Variants in AGMO observed in about 807,000 individuals in gnomAD.
AGMO encodes alkylglycerol monooxygenase.
A neutral mutation model predicts 60.2 loss-of-function variants in AGMO; 75 were observed. The observed-to-expected ratio is 1.25, with a 90% CI of 1.03 to 1.51. The LOEUF is 1.51. AGMO is among the 40% of genes most tolerant of loss of function. The pLI, the probability that AGMO is intolerant of heterozygous loss-of-function variation, is 0.00. For missense variants in AGMO, 763 were observed against 525.5 expected (o/e 1.45, Z -4.42); for synonymous variants, 261 against 177.1 (o/e 1.47, Z -3.76).
intron 2 of AGMO, among the ~76,000 whole-genome samples, chr7:15,558,428 T>C (rs1019365114): frequency 1.3e-5 from 2 of 152,038 alleles, no homozygotes; most frequent in African/African-American, 2.4e-5. Context: ...TTTCTGAGAA[T>C]GAGCTAAATT....
chr7:15,133,880 C>G, the AGMO span, among the ~76,000 whole-genome samples: 1 of 152,162 alleles, frequency 6.6e-6, no homozygotes, highest in African/African-American at 2.4e-5. Context: ...GGATCTGAAA[C>G]TGAACACCTC....
chr7:15,377,181 A>T (rs904526175), intron 10 of AGMO, among the ~76,000 whole-genome samples: 2 of 152,074 alleles, frequency 1.3e-5, no homozygotes, highest in African/African-American at 4.8e-5. Flanking sequence ...GGCACTATAG[A>T]ATTTTGCAAA....
intron 3 of AGMO, among the ~76,000 whole-genome samples, chr7:15,528,944 G>A (rs887036141): frequency 1.3e-5 from 2 of 151,964 alleles, no homozygotes; most frequent in East Asian, 1.9e-4. Flanking sequence ...CACCGCGCCC[G>A]GCCAACCATT....
intron 3 of AGMO, among the ~76,000 whole-genome samples, chr7:15,470,761 A>G (rs978333044): frequency 9.9e-5 from 15 of 152,116 alleles, no homozygotes; most frequent in African/African-American, 3.4e-4. Flanking sequence ...TGAAAGAACT[A>G]TAGTTTCAGG....
In AGMO at chr7:15,209,120, A is replaced by G. The variant is rs139786099; in HGVS notation, c.1264-7761T>C. On this transcript the variant is annotated intron_variant, in intron 12 of 12. Coordinates refer to ENST00000342526, the MANE Select transcript of AGMO (RefSeq NM_001004320.2). ...GGCAGTGTCGCCCATTTCCTCCCCA[A>G]TCCTGTTATCACAGCCCACCGATTT... Among the ~76,000 whole-genome samples the G allele has an allele frequency of 2.4e-3, 368 of 152,140 alleles. 1 individual carries two copies. Among genetic ancestry groups the G allele is most frequent in the Non-Finnish European group, 4.1e-3 (280 of 67,980 alleles).
intron 12 of AGMO, among the ~76,000 whole-genome samples, chr7:15,346,637 A>T (rs1435047137): frequency 6.6e-6 from 1 of 151,652 alleles, no homozygotes; most frequent in Admixed American, 6.6e-5. Context: ...AAATACCATA[A>T]AGAAGTTATA....
intron 12 of AGMO, among the ~76,000 whole-genome samples, chr7:15,252,995 C>T (rs148463639): frequency 6.6e-6 from 1 of 152,186 alleles, no homozygotes; most frequent in Non-Finnish European, 1.5e-5. Flanking sequence ...CAGTAGAAGT[C>T]ATTGATACAC....
At chr7:15,258,548 C>CA (rs894896527) in intron 12 of AGMO, among the ~76,000 whole-genome samples, 32 of 147,700 alleles carry the variant, frequency 2.2e-4, no homozygotes, top group South Asian at 8.6e-4. Context: ...GACTCTTTCT[C>CA]AAAAAAAAAT....
chr7:15,195,090 A>T, the AGMO span, among the ~76,000 whole-genome samples: 96,552 of 151,974 alleles, frequency 0.64, 31,994 homozygotes, highest in African/African-American at 0.84. Flanking sequence ...CCCTTCAGTG[A>T]GCACACATAC....
rs373003791 is a variant in AGMO at position 15,257,254 on chromosome 7, T to C, written c.1264-55895A>G. ...TAAGTGGCTAAGAAAGATAACTATA[T>C]ACAACATAGGAAGACTATCTCAGGT... On this transcript the variant is annotated intron_variant, in intron 12 of 12. Coordinates refer to ENST00000342526, the MANE Select transcript of AGMO (RefSeq NM_001004320.2). Among the ~76,000 whole-genome samples, 114 of 152,258 alleles carry C rather than the reference T, an allele frequency of 7.5e-4. 1 individual carries two copies. In the South Asian group the frequency reaches 0.01, roughly 14 times the overall value.
chr7:15,395,426 CATTTT>C (rs1322705608), intron 5 of AGMO, among the ~76,000 whole-genome samples: 10 of 151,888 alleles, frequency 6.6e-5, no homozygotes, highest in African/African-American at 2.4e-4. Flanking sequence ...ACATAAAAGA[CATTTT>C]ATAGGCAAAA....
chr7:15,135,988 T>TTTC, the AGMO span, among the ~76,000 whole-genome samples: 1 of 146,972 alleles, frequency 6.8e-6, no homozygotes, highest in Non-Finnish European at 1.5e-5. Context: ...TCTTTTTTTT[T>TTTC]TTTTTTTGGT....
At chr7:15,174,596 T>C in the AGMO span, among the ~76,000 whole-genome samples, 2 of 152,006 alleles carry the variant, frequency 1.3e-5, no homozygotes, top group Admixed American at 6.6e-5. Flanking sequence ...CAGAATTGTG[T>C]GCTCTATACT....
chr7:15,337,048 T>A (rs1781687431), intron 12 of AGMO, among the ~76,000 whole-genome samples: 2 of 152,204 alleles, frequency 1.3e-5, no homozygotes, highest in African/African-American at 4.8e-5. Flanking sequence ...TCATATGCCA[T>A]CAAATTTTCT....
At chr7:15,200,029 T>G (rs919757884), downstream of AGMO, among the ~76,000 whole-genome samples, 1 of 152,176 alleles carries the variant, frequency 6.6e-6, no homozygotes, top group African/African-American at 2.4e-5. Flanking sequence ...TGAGATTATC[T>G]AAGTCAGGCT....
At chr7:15,535,244 A>T (rs866188920) in intron 3 of AGMO, among the ~76,000 whole-genome samples, 1 of 151,774 alleles carries the variant, frequency 6.6e-6, no homozygotes, top group Non-Finnish European at 1.5e-5. Context: ...TCTTTTGCTC[A>T]CCTGTGCTTT....
intron 12 of AGMO, among the ~76,000 whole-genome samples, chr7:15,238,520 T>C (rs972657226): frequency 6.6e-6 from 1 of 151,844 alleles, no homozygotes; most frequent in Non-Finnish European, 1.5e-5. Context: ...AAATATCACA[T>C]GTGCTCCCAA....
intron 3 of AGMO, among the ~76,000 whole-genome samples, chr7:15,532,672 CAA>C (rs985076125): frequency 6.0e-5 from 9 of 151,136 alleles, no homozygotes; most frequent in African/African-American, 2.2e-4. Context: ...TGAAAAATAG[CAA>C]GAGAGCATCT....
intron 12 of AGMO, among the ~76,000 whole-genome samples, chr7:15,360,687 C>A (rs1782717973): frequency 6.6e-6 from 1 of 151,720 alleles, no homozygotes; most frequent in South Asian, 2.1e-4. Context: ...GAGAGACAGG[C>A]ACACTTAGTG....
Sources: allele counts gnomAD v4.1 joint callset (sites outside exome capture counted in the v4.1 genomes callset), GRCh38; gene constraint gnomAD v4.1.1; transcripts MANE v1.5; gene names NCBI Gene and HGNC (gene_info 2026-07-23, HGNC 2026-07-21).